Variants in PHF21A observed in about 807,000 individuals in gnomAD.
The protein encoded by PHF21A is BHC80a.
Under a neutral mutation model 82.5 loss-of-function variants are expected in PHF21A, and 11 were observed. The ratio of observed to expected loss-of-function variants is 0.13; its 90% confidence interval spans 0.08 to 0.22. PHF21A has a LOEUF of 0.22. Among genes scored for constraint, PHF21A ranks in the 10% least tolerant of loss-of-function variants. The probability of loss-of-function intolerance (pLI) is 1.00; values close to 1 mark genes in which losing one functional copy is unlikely to be tolerated. For missense variants in PHF21A, 579 were observed against 837.8 expected (o/e 0.69, Z 3.81); for synonymous variants, 297 against 302.8 (o/e 0.98, Z 0.20).
At chr11:46,032,676 A>G (rs1480428927) in intron 6 of PHF21A, among the ~76,000 whole-genome samples, 1 of 152,158 alleles carries the variant, frequency 6.6e-6, no homozygotes, top group Non-Finnish European at 1.5e-5. Flanking sequence ...ACTTTCATCA[A>G]TAGAGTAAGG....
At chr11:46,099,565 C>CT (rs2097061481) in intron 1 of PHF21A, among the ~76,000 whole-genome samples, 1 of 148,452 alleles carries the variant, frequency 6.7e-6, no homozygotes, top group Non-Finnish European at 1.5e-5. Context: ...CACACACACC[C>CT]TAAACACAAA....
intron 15 of PHF21A, among the ~76,000 whole-genome samples, chr11:45,941,134 T>C (rs549938359): frequency 3.3e-4 from 51 of 152,304 alleles, no homozygotes; most frequent in African/African-American, 1.2e-3. Context: ...GGTCTGGCTC[T>C]GTCACCCAGG....
chr11:45,971,890 C>CTTTCTTTTTTTTTTTTTTTTTTTTTTTTT lies in PHF21A; in HGVS notation c.361-524_361-523insAAAAAAAAAAAAAAAAAAAAAAAAAGAAA, dbSNP rs57081937. ...GTAAAAGGACAGTGTCTTTTTCTTTCTTTTTTTTTTTTTTTATGGTGTCAC... is the reference window on the plus strand; with the variant it reads ...GTAAAAGGACAGTGTCTTTTTCTTTCTTTCTTTTTTTTTTTTTTTTTTTTTTTTTTTTTTTTTTTTTTTTATGGTGTCAC... On this transcript the variant is annotated intron_variant, in intron 7 of 18. Coordinates refer to ENST00000676320, the MANE Select transcript of PHF21A (RefSeq NM_001352027.3). Among the ~76,000 whole-genome samples the CTTTCTTTTTTTTTTTTTTTTTTTTTTTTT allele has an allele frequency of 5.3e-3, 268 of 50,284 alleles. 86 individuals are homozygous for CTTTCTTTTTTTTTTTTTTTTTTTTTTTTT. Among genetic ancestry groups the CTTTCTTTTTTTTTTTTTTTTTTTTTTTTT allele is most frequent in the Middle Eastern group, 0.029 (3 of 104 alleles). 33.0% of individuals were successfully genotyped at this position (50,284 alleles called of 152,430 possible).
intron 14 of PHF21A, chr11:45,946,213 G>A: frequency 9.1e-7 from 1 of 1,104,094 alleles, no homozygotes; most frequent in Non-Finnish European, 1.4e-6. Flanking sequence ...ACTCTCAAGA[G>A]AAGGGAGGAT....
At chr11:46,100,417 A>G (rs1385123648) in intron 1 of PHF21A, among the ~76,000 whole-genome samples, 1 of 152,058 alleles carries the variant, frequency 6.6e-6, no homozygotes, top group Non-Finnish European at 1.5e-5. Context: ...GTAGAGAGAA[A>G]CCCACTTAAA....
rs1326534617 is a variant in PHF21A, at chr11:45,962,695, C to A, written c.996+2620G>T. Among the ~76,000 whole-genome samples, 8 of 22,264 alleles carry A rather than the reference C, an allele frequency of 3.6e-4. No homozygotes were observed. The East Asian group carries it at 0.055, about 152-fold the overall frequency. 14.6% of individuals were successfully genotyped at this position (22,264 alleles called of 152,430 possible). A position where few individuals can be genotyped will look rare whatever the true frequency, so the allele number is the denominator to read the frequency against. On this transcript the variant is annotated intron_variant, in intron 10 of 18. Coordinates refer to ENST00000676320, the MANE Select transcript of PHF21A (RefSeq NM_001352027.3). ...TCGCCTGAGGTCAGGAGTCTGAGAC[C>A]AGCCTGGCCAACATGGTGAAACCCC...
In PHF21A at chr11:46,069,508, T is replaced by A. The variant is rs890770636; in HGVS notation, c.153+7246A>T. On this transcript the variant is annotated intron_variant, in intron 6 of 18. Coordinates refer to ENST00000676320, the MANE Select transcript of PHF21A (RefSeq NM_001352027.3). ...TTTTACAGTAACTGGTATTAGAGGC[T>A]GGAGATAGTCATATATCAGGTAACC... 6.2e-5 allele frequency among the ~76,000 whole-genome samples: 9 copies of A among 144,568 alleles called. No homozygotes were observed. The East Asian group carries it at 1.3e-3, about 21-fold the overall frequency. The allele number at this position is 144,568 out of a possible 152,430, so 94.8% of individuals were successfully genotyped here.
At chr11:45,939,038 T>TA (rs956154413) in intron 15 of PHF21A, among the ~76,000 whole-genome samples, 3 of 152,166 alleles carry the variant, frequency 2.0e-5, no homozygotes, top group African/African-American at 4.8e-5. Context: ...TTTCACGTGT[T>TA]AGCCAGGATG....
chr11:46,017,474 T>TTG (rs2095539749), intron 6 of PHF21A, among the ~76,000 whole-genome samples: 1 of 152,092 alleles, frequency 6.6e-6, no homozygotes. Flanking sequence ...TGTGGACTGA[T>TTG]AACACTCTGT....
At chr11:46,024,071 A>G (rs1446905520) in intron 6 of PHF21A, among the ~76,000 whole-genome samples, 2 of 152,232 alleles carry the variant, frequency 1.3e-5, no homozygotes, top group East Asian at 1.9e-4. Context: ...ATTAGTTGCA[A>G]TTGGTTATGA....
Position 45,934,128 on chromosome 11 carries a change from A to T in PHF21A, c.1886T>A (p.Ile629Asn). Residue 629 changes from isoleucine (I) to asparagine (N), a missense_variant, in exon 19 of 19, where the codon ATC becomes AAC. Transcript: ENST00000676320. ...AGAGTCTACAGGTTTGGAGAGGTCGATGCCGTGGATGAGGCGAATCAGCTG... is the reference window on the plus strand; with the variant it reads ...AGAGTCTACAGGTTTGGAGAGGTCGTTGCCGTGGATGAGGCGAATCAGCTG... ...VKQLIRLIHG[I>N]DLSKPVDSEA... 6.2e-7 allele frequency: 1 copy of T among 1,614,130 alleles called. No individual in the cohort carries two copies. Among genetic ancestry groups the T allele is most frequent in the Non-Finnish European group, 8.5e-7 (1 of 1,180,014 alleles).
intron 6 of PHF21A, among the ~76,000 whole-genome samples, chr11:45,994,551 C>A (rs192557847): frequency 2.3e-4 from 35 of 152,266 alleles, no homozygotes; most frequent in Admixed American, 1.7e-3. Context: ...GCAGCCATCA[C>A]TTCTGCTTAG....
In PHF21A at chr11:45,934,405, G is replaced by A. The variant is rs555082497; in HGVS notation, c.1789-180C>T. ...GGGCGGCTACCACCTAAGGAACAGG[G>A]CGGGTGGAGTGGGTAGGCTGGGGGG... On this transcript the variant is annotated intron_variant, in intron 18 of 18. Transcript: ENST00000676320. 189 of 609,536 alleles carry A rather than the reference G, an allele frequency of 3.1e-4. 2 individuals are homozygous for A. In the South Asian group the frequency reaches 3.7e-3, roughly 12 times the overall value. The allele number at this position is 609,536 out of a possible 1,614,324, so 37.8% of individuals were successfully genotyped here. A position where few individuals can be genotyped will look rare whatever the true frequency, so the allele number is the denominator to read the frequency against.
In PHF21A at chr11:46,103,155, C is replaced by T. The variant is rs549383925; in HGVS notation, c.-236-10932G>A. Reference sequence around the variant, plus strand: ...AATTAAGCAGGGACAAACTGATTTTCAAAATTGTATAATTCTTTAACTCAA... The same window carrying T: ...AATTAAGCAGGGACAAACTGATTTTTAAAATTGTATAATTCTTTAACTCAA... On this transcript the variant is annotated intron_variant, in intron 1 of 18. Coordinates refer to ENST00000676320, the MANE Select transcript of PHF21A (RefSeq NM_001352027.3). Among the ~76,000 whole-genome samples the T allele has an allele frequency of 2.0e-5, 3 of 152,292 alleles. No homozygotes were observed. The South Asian group carries it at 6.2e-4, about 32-fold the overall frequency.
At chr11:46,116,298 A>T (rs1230222310) in intron 1 of PHF21A, among the ~76,000 whole-genome samples, 1 of 152,234 alleles carries the variant, frequency 6.6e-6, no homozygotes, top group Non-Finnish European at 1.5e-5. Flanking sequence ...TAATACTAAC[A>T]CATACAGATA....
chr11:45,949,560 G>T, intron 12 of PHF21A, 79 bp from the exon 13 acceptor site: 2 of 1,164,802 alleles, frequency 1.7e-6, no homozygotes, highest in Non-Finnish European at 1.3e-6. Flanking sequence ...TTATCTATTG[G>T]TTTTCCCATA....
rs2088018938 is a variant in PHF21A at position 45,933,698 on chromosome 11, A to G, written c.*270T>C. 2.9e-6 allele frequency: 1 copy of G among 346,534 alleles called. No homozygotes were observed. Among genetic ancestry groups the G allele is most frequent in the East Asian group, 4.7e-5 (1 of 21,308 alleles). 21.5% of individuals were successfully genotyped at this position (346,534 alleles called of 1,614,324 possible). On this transcript the variant is annotated 3_prime_UTR_variant, in exon 19 of 19. Coordinates refer to ENST00000676320, the MANE Select transcript of PHF21A (RefSeq NM_001352027.3). ...CTGGTGTATAATAGAGAGAGTAAAT[A>G]TATTATTTCACTTGGCATGGTGCTG...
chr11:46,100,711 A>G (rs761400036), intron 1 of PHF21A, among the ~76,000 whole-genome samples: 3 of 152,196 alleles, frequency 2.0e-5, no homozygotes, highest in Non-Finnish European at 2.9e-5. Context: ...TGGAATAATT[A>G]CACCTGTGGG....
chr11:45,997,309 T>A (rs2094942031), intron 6 of PHF21A, among the ~76,000 whole-genome samples: 1 of 152,192 alleles, frequency 6.6e-6, no homozygotes, highest in Non-Finnish European at 1.5e-5. Context: ...AGTGTATCCT[T>A]TTTAAAAATG....
Sources: allele counts gnomAD v4.1 joint callset (sites outside exome capture counted in the v4.1 genomes callset), GRCh38; gene constraint gnomAD v4.1.1; transcripts MANE v1.5; gene names NCBI Gene and HGNC (gene_info 2026-07-23, HGNC 2026-07-21).